PTPRK: variants seen among roughly 807,000 people sequenced by gnomAD.
PTPRK encodes the protein receptor-type tyrosine-protein phosphatase kappa.
A neutral mutation model predicts 178.0 loss-of-function variants in PTPRK; 75 were observed. The ratio of observed to expected loss-of-function variants is 0.42; its 90% CI spans 0.35 to 0.51. The LOEUF (loss-of-function observed/expected upper bound fraction) is 0.51. Ranked by LOEUF, PTPRK falls within the 20% of genes least tolerant of loss-of-function variation. PTPRK has a pLI of 0.02. For synonymous variants in PTPRK, 637 were observed against 620.6 expected, an observed-to-expected ratio of 1.03 and a Z score of -0.39; for missense variants, 1,441 against 1,797.8, an observed-to-expected ratio of 0.80 and a Z score of 3.59.
intron 7 of PTPRK, among the ~76,000 whole-genome samples, chr6:128,148,202 A>T (rs146210092): frequency 1.4e-4 from 21 of 152,278 alleles, no homozygotes; most frequent in African/African-American, 4.8e-4. Context: ...GCTGGCCATC[A>T]TGGTAGAAGA....
intron 13 of PTPRK, among the ~76,000 whole-genome samples, chr6:128,056,619 T>G (rs2114897019): frequency 6.6e-6 from 1 of 152,112 alleles, no homozygotes; most frequent in Admixed American, 6.5e-5. Flanking sequence ...AGAGATGGGG[T>G]TTCGCTATGT....
intron 22 of PTPRK, 84 bp downstream of exon 22, chr6:127,985,637 T>G: frequency 7.2e-7 from 1 of 1,380,344 alleles, no homozygotes; most frequent in Non-Finnish European, 9.9e-7. Flanking sequence ...AAGCACACAT[T>G]AGTTTTTGTG....
At chr6:128,210,815 C>A (rs1382704951) in intron 6 of PTPRK, among the ~76,000 whole-genome samples, 1 of 152,172 alleles carries the variant, frequency 6.6e-6, no homozygotes, top group East Asian at 1.9e-4. Context: ...CAGGGGCAAT[C>A]AGCAATACGT....
intron 11 of PTPRK, among the ~76,000 whole-genome samples, chr6:128,074,335 TTG>T (rs1783384217): frequency 6.6e-6 from 1 of 152,100 alleles, no homozygotes; most frequent in Non-Finnish European, 1.5e-5. Flanking sequence ...AGAAACTATT[TTG>T]TGTTTTTACA....
chr6:128,000,014 T>C (rs778304241), intron 15 of PTPRK: 2 of 946,910 alleles, frequency 2.1e-6, no homozygotes, highest in Non-Finnish European at 2.5e-6. Context: ...AGTACTTTAA[T>C]GACCGAAGTA....
intron 19 of PTPRK, among the ~76,000 whole-genome samples, chr6:127,992,192 T>C (rs1019262180): frequency 6.6e-5 from 10 of 151,802 alleles, no homozygotes; most frequent in Non-Finnish European, 1.2e-4. Context: ...CTTATTATAT[T>C]CCATGAAGAA....
At chr6:128,096,448 T>C (rs543251805) in intron 7 of PTPRK, among the ~76,000 whole-genome samples, 2 of 152,292 alleles carry the variant, frequency 1.3e-5, no homozygotes, top group South Asian at 4.1e-4. Context: ...CCTGTCTTTT[T>C]GTAGCGATAA....
intron 2 of PTPRK, among the ~76,000 whole-genome samples, chr6:128,375,085 T>C (rs1295611173): frequency 6.8e-6 from 1 of 147,362 alleles, no homozygotes; most frequent in Non-Finnish European, 1.5e-5. Context: ...TTATTATTAT[T>C]ATTATTATTA....
chr6:128,164,692 T>G (rs979463686), intron 7 of PTPRK, among the ~76,000 whole-genome samples: 2 of 151,110 alleles, frequency 1.3e-5, no homozygotes, highest in African/African-American at 4.8e-5. Flanking sequence ...AATACTGCTT[T>G]AAAATGCACA....
chr6:128,007,240 GGTAA>G (rs952040160), intron 14 of PTPRK, among the ~76,000 whole-genome samples: 5 of 150,560 alleles, frequency 3.3e-5, no homozygotes, highest in African/African-American at 1.2e-4. Context: ...AAATTGCTTT[GGTAA>G]GTAAGAAATT....
At chr6:127,973,978 A>G in intron 27 of PTPRK, 151 bp from the exon 28 acceptor site, 1 of 678,356 alleles carries the variant, frequency 1.5e-6, no homozygotes, top group Non-Finnish European at 2.3e-6. Context: ...TAGTAAAAAA[A>G]CATTCTAAGT....
chr6:128,330,242 AT>A (rs760050864), intron 2 of PTPRK, among the ~76,000 whole-genome samples: 1 of 151,932 alleles, frequency 6.6e-6, no homozygotes, highest in African/African-American at 2.4e-5. Flanking sequence ...CATCGGGGAT[AT>A]TTTTTTTCTT....
At chr6:128,019,602 T>C (rs1023196803) in intron 13 of PTPRK, among the ~76,000 whole-genome samples, 3 of 152,208 alleles carry the variant, frequency 2.0e-5, no homozygotes, top group Non-Finnish European at 4.4e-5. Flanking sequence ...ATTTACTTTT[T>C]TGTTTCCTTC....
chr6:128,085,986 G>A (rs1269410513), intron 8 of PTPRK, among the ~76,000 whole-genome samples: 4 of 152,146 alleles, frequency 2.6e-5, no homozygotes, highest in African/African-American at 7.2e-5. Flanking sequence ...GACAGAAAAT[G>A]TCTCTCTGTA....
intron 13 of PTPRK, among the ~76,000 whole-genome samples, chr6:128,055,429 AT>A (rs1296461486): frequency 6.6e-6 from 1 of 151,932 alleles, no homozygotes; most frequent in South Asian, 2.1e-4. Flanking sequence ...AGTTGGATAT[AT>A]TTTTTCTATT....
intron 14 of PTPRK, 107 bp downstream of exon 14, chr6:128,009,023 T>TAACC: frequency 9.7e-7 from 1 of 1,031,752 alleles, no homozygotes; most frequent in Non-Finnish European, 1.4e-6. Flanking sequence ...AAATTAAAAT[T>TAACC]TTCTTCCTGT....
chr6:128,064,595 G>T (rs1391632792), intron 13 of PTPRK, among the ~76,000 whole-genome samples, 163 bp downstream of exon 13: 3 of 152,144 alleles, frequency 2.0e-5, no homozygotes, highest in Non-Finnish European at 4.4e-5. Flanking sequence ...AGTACTAGAG[G>T]ATGGGAAGTA....
chr6:128,084,296 C>T (rs1263226002), intron 8 of PTPRK, among the ~76,000 whole-genome samples: 2 of 151,948 alleles, frequency 1.3e-5, no homozygotes, highest in Non-Finnish European at 2.9e-5. Flanking sequence ...TCTGGAAAGC[C>T]GAATCACATA....
At chr6:128,501,639 A>G (rs551855263) in intron 1 of PTPRK, among the ~76,000 whole-genome samples, 64 of 152,338 alleles carry the variant, frequency 4.2e-4, no homozygotes, top group African/African-American at 1.4e-3. Flanking sequence ...TTTTTGTCCT[A>G]TATAAACAAA....
Sources: allele counts gnomAD v4.1 joint callset (sites outside exome capture counted in the v4.1 genomes callset), GRCh38; gene constraint gnomAD v4.1.1; transcripts MANE v1.5; gene names NCBI Gene and HGNC (gene_info 2026-07-23, HGNC 2026-07-21).